The following SLC35D1 variants were observed in gnomAD, a reference collection of about 807,000 sequenced individuals.
The protein encoded by SLC35D1 is nucleotide sugar transporter SLC35D1.
A neutral mutation model predicts 46.7 loss-of-function variants in SLC35D1; 31 were observed. The ratio of observed to expected loss-of-function variants is 0.66; its 90% CI spans 0.50 to 0.90. The LOEUF is 0.90. SLC35D1 is among the 40% of genes least tolerant of loss of function. The probability of loss-of-function intolerance (pLI) is 0.00; values close to 1 mark genes in which losing one functional copy is unlikely to be tolerated. For synonymous variants in SLC35D1, 195 were observed against 164.6 expected (o/e 1.18, Z -1.41); for missense variants, 397 against 426.2 (o/e 0.93, Z 0.60).
At position 67,047,298 on chromosome 1, in the gene SLC35D1, A is replaced by G; in HGVS notation, c.603T>C (p.Asn201=). 6.2e-7 allele frequency: 1 copy of G among 1,613,482 alleles called. No individual in the cohort carries two copies. Among genetic ancestry groups the G allele is most frequent in the Non-Finnish European group, 8.5e-7 (1 of 1,179,882 alleles). ...ILINDVLTAA[N]GAYVKQKLDS... ...CTAATTTTTGTTTTACGTATGCACC[A>G]TTTGCTGCTGTTAGGACATCGTTTA... The change falls in exon 7 of 12, where the codon AAT becomes AAC. Residue 201 remains asparagine, a synonymous_variant. Coordinates refer to ENST00000235345, the MANE Select transcript of SLC35D1 (RefSeq NM_015139.3).
chr1:66,984,864 T>C, the SLC35D1 span: 1 of 1,597,256 alleles, frequency 6.3e-7, no homozygotes, highest in South Asian at 1.1e-5. Context: ...CAGTCTCACA[T>C]GGGAAATTTG....
At chr1:67,006,678 A>G (rs186976492) in intron 11 of SLC35D1, among the ~76,000 whole-genome samples, 2 of 67,416 alleles carry the variant, frequency 3.0e-5, no homozygotes, top group African/African-American at 1.5e-4. Flanking sequence ...TTCCCAGCAT[A>G]GTCAGTGTAT....
Position 67,053,886 on chromosome 1 carries a change from A to G in SLC35D1, c.128T>C (p.Leu43Pro). ...SAETLTVFLK[L>P]LAAGFYGVSS... ...CACGCCGTAAAAGCCGGCGGCCAGC[A>G]GCTTCAGAAACACGGTCAGCGTTTC... is the stretch of plus-strand genomic sequence containing the variant. Residue 43 changes from leucine (L) to proline (P), a missense_variant, in exon 1 of 12, where the codon CTG becomes CCG. Physicochemically the swap from Leu to Pro is moderately conservative, Grantham distance 98. Transcript: ENST00000235345. 6.2e-7 allele frequency: 1 copy of G among 1,613,756 alleles called. No homozygotes were observed. The highest frequency in any genetic ancestry group is 8.5e-7 in the Non-Finnish European group (1 of 1,179,730).
intron 10 of SLC35D1, among the ~76,000 whole-genome samples, chr1:67,011,088 C>T (rs1378478258): frequency 6.6e-6 from 1 of 152,142 alleles, no homozygotes; most frequent in Non-Finnish European, 1.5e-5. Flanking sequence ...CTCTTCTCTC[C>T]CTCCCATAAC....
At chr1:67,018,568 G>A (rs1036896390) in intron 10 of SLC35D1, among the ~76,000 whole-genome samples, 2 of 152,130 alleles carry the variant, frequency 1.3e-5, no homozygotes, top group Non-Finnish European at 2.9e-5. Context: ...ACAATTGCCT[G>A]GAAACCCTGT....
intron 11 of SLC35D1, among the ~76,000 whole-genome samples, chr1:67,006,165 T>C (rs543434398): frequency 6.6e-6 from 1 of 152,168 alleles, no homozygotes; most frequent in Admixed American, 6.5e-5. Context: ...CCAATTCTTA[T>C]GCCAATGTTC....
At chr1:66,980,418 C>T in the SLC35D1 span, among the ~76,000 whole-genome samples, 380 of 152,270 alleles carry the variant, frequency 2.5e-3, 3 homozygotes, top group African/African-American at 8.2e-3. Flanking sequence ...TAGTTTTATA[C>T]CTCAGACTAT....
chr1:67,024,105 C>T (rs1441309592), intron 8 of SLC35D1, among the ~76,000 whole-genome samples: 1 of 151,862 alleles, frequency 6.6e-6, no homozygotes, highest in Non-Finnish European at 1.5e-5. Context: ...CCACCACACC[C>T]AGCTAATTTT....
Position 67,002,781 on chromosome 1 carries a change from A to C in SLC35D1, c.*1559T>G, listed in dbSNP as rs534253503. The C allele has an allele frequency of 6.6e-6, 1 of 152,498 alleles. No individual in the cohort carries two copies. The highest frequency in any genetic ancestry group is 2.4e-5 in the African/African-American group (1 of 41,582). 9.4% of individuals were successfully genotyped at this position (152,498 alleles called of 1,614,324 possible). On this transcript the variant is annotated 3_prime_UTR_variant, in exon 12 of 12. Coordinates refer to ENST00000235345, the MANE Select transcript of SLC35D1 (RefSeq NM_015139.3). ...GTCAACAGAGTCCAGTGGATTCCAA[A>C]CCCAATGAAATAGACACTGGTGTGT... is the stretch of plus-strand genomic sequence containing the variant.
chr1:66,995,091 A>T (rs181840957), downstream of SLC35D1, among the ~76,000 whole-genome samples: 15 of 152,234 alleles, frequency 9.9e-5, no homozygotes, highest in Admixed American at 7.8e-4. Context: ...GCTCTATCTG[A>T]TGCATTCACC....
rs561958009 is a variant in SLC35D1, at chr1:67,042,078, A to G, written c.729+158T>C. On this transcript the variant is annotated intron_variant, in intron 8 of 11. Transcript: ENST00000235345. ...TACTATCCAATGTTTACGCCAAGAA[A>G]AGAGGTTAGCATGACATTAGCAATT... is the stretch of plus-strand genomic sequence containing the variant. Among the ~76,000 whole-genome samples, 16 of 152,326 alleles carry G rather than the reference A, an allele frequency of 1.1e-4. No homozygotes were observed. The South Asian group carries it at 3.1e-3, about 30-fold the overall frequency.
the SLC35D1 span, chr1:66,987,612 CCCATT>C: frequency 6.6e-6 from 1 of 152,556 alleles, no homozygotes; most frequent in African/African-American, 2.4e-5. Context: ...ATTCCCTTCT[CCCATT>C]CCTTGTCTGC....
At chr1:66,994,087 G>A in the SLC35D1 span, among the ~76,000 whole-genome samples, 3 of 152,196 alleles carry the variant, frequency 2.0e-5, no homozygotes, top group African/African-American at 7.2e-5. Flanking sequence ...TTGCAAGCAT[G>A]CATGCTTAGA....
chr1:66,985,814 ATTTTTTTTTTT>A, the SLC35D1 span: 1 of 629,882 alleles, frequency 1.6e-6, no homozygotes, highest in South Asian at 7.5e-5. Context: ...GGATTATAAA[ATTTTTTTTTTT>A]TTTTTTTTTT....
rs1316933178 is a variant in SLC35D1 at position 67,002,760 on chromosome 1, A to G, written c.*1580T>C. On this transcript the variant is annotated 3_prime_UTR_variant, in exon 12 of 12. Coordinates refer to ENST00000235345, the MANE Select transcript of SLC35D1 (RefSeq NM_015139.3). ...ATCAAAACCCTAACTGTTTAGGTCA[A>G]CAGAGTCCAGTGGATTCCAAACCCA... is the stretch of plus-strand genomic sequence containing the variant. 1 of 152,384 alleles carries G rather than the reference A, an allele frequency of 6.6e-6. No individual in the cohort carries two copies. Among genetic ancestry groups the G allele is most frequent in the African/African-American group, 2.4e-5 (1 of 41,460 alleles). 9.4% of individuals were successfully genotyped at this position (152,384 alleles called of 1,614,324 possible). A position where few individuals can be genotyped will look rare whatever the true frequency, so the allele number is the denominator to read the frequency against.
At chr1:67,033,381 C>A (rs551564448) in intron 8 of SLC35D1, among the ~76,000 whole-genome samples, 17 of 152,112 alleles carry the variant, frequency 1.1e-4, no homozygotes, top group Admixed American at 3.3e-4. Flanking sequence ...CACATCCTTG[C>A]CAGCATTTGT....
chr1:67,019,117 G>A (rs936249405), intron 10 of SLC35D1, among the ~76,000 whole-genome samples: 1 of 152,144 alleles, frequency 6.6e-6, no homozygotes, highest in Non-Finnish European at 1.5e-5. Flanking sequence ...TGTTGATAAT[G>A]ATAAAGTACA....
chr1:66,996,593 T>G (rs2102210252), downstream of SLC35D1, among the ~76,000 whole-genome samples: 1 of 152,310 alleles, frequency 6.6e-6, no homozygotes, highest in Middle Eastern at 3.4e-3. Flanking sequence ...GAACTCAGTC[T>G]GGCTTGATGG....
chr1:66,981,704 C>A, the SLC35D1 span: 1 of 1,145,634 alleles, frequency 8.7e-7, no homozygotes, highest in Non-Finnish European at 1.3e-6. Flanking sequence ...GTTAAGAAAG[C>A]CTTCTGAATT....
Sources: allele counts gnomAD v4.1 joint callset (sites outside exome capture counted in the v4.1 genomes callset), GRCh38; gene constraint gnomAD v4.1.1; transcripts MANE v1.5; gene names NCBI Gene and HGNC (gene_info 2026-07-23, HGNC 2026-07-21).